Variants in ESCO1 observed in about 807,000 individuals in gnomAD.
ESCO1 encodes establishment of sister chromatid cohesion N-acetyltransferase 1.
In ESCO1, 33 loss-of-function variants were observed where a neutral mutation model predicts 83.5. That is an observed-to-expected ratio of 0.40 (90% CI 0.30 to 0.53). The LOEUF is 0.53. ESCO1 is among the 20% of genes least tolerant of loss of function. The pLI, the probability that ESCO1 is intolerant of heterozygous loss-of-function variation, is 0.63. For missense variants in ESCO1, 855 were observed against 968.0 expected (o/e 0.88, Z 1.55); for synonymous variants, 332 against 324.3 (o/e 1.02, Z -0.25).
intron 10 of ESCO1, among the ~76,000 whole-genome samples, chr18:21,533,423 G>C (rs1331205195): frequency 6.6e-6 from 1 of 151,980 alleles, no homozygotes; most frequent in East Asian, 1.9e-4. Context: ...AGCCTCCCAA[G>C]TAGCTGAGAT....
chr18:21,595,966 AAAATAAAT>A (rs894360932), intron 1 of ESCO1, among the ~76,000 whole-genome samples: 24 of 151,820 alleles, frequency 1.6e-4, no homozygotes, highest in African/African-American at 5.6e-4. Context: ...TCCATCTCAA[AAAATAAAT>A]AAATAAATAA....
rs1035068690 is a variant in ESCO1 at position 21,532,456 on chromosome 18, G to A, written c.2375+17C>T. The A allele has an allele frequency of 6.3e-7, 1 of 1,596,404 alleles. No individual in the cohort carries two copies. Among genetic ancestry groups the A allele is most frequent in the African/African-American group, 1.3e-5 (1 of 74,444 alleles). On this transcript the variant is annotated intron_variant, in intron 11 of 11. Transcript: ENST00000269214. ...CTAAACTACTAAAAATGATTTGAAGGATTACATTCAAGTTACCTTAGGCAT... is the reference window on the plus strand; with the variant it reads ...CTAAACTACTAAAAATGATTTGAAGAATTACATTCAAGTTACCTTAGGCAT...
At chr18:21,558,565 C>A (rs1383909871) in intron 8 of ESCO1, among the ~76,000 whole-genome samples, 1 of 151,922 alleles carries the variant, frequency 6.6e-6, no homozygotes, top group Non-Finnish European at 1.5e-5. Context: ...TCCATCTCTA[C>A]TAAAAATACA....
Position 21,574,223 on chromosome 18 carries a change from C to T in ESCO1, c.621G>A (p.Lys207=). 1 of 1,613,804 alleles carries T rather than the reference C, an allele frequency of 6.2e-7. No individual in the cohort carries two copies. The highest frequency in any genetic ancestry group is 8.5e-7 in the Non-Finnish European group (1 of 1,179,992). ...AAGCACAAGCTGTCTGATGTTCTAC[C>T]TTGCGTTTTTTCCCTTTGGGAGAAT... The part of the protein sequence containing the change: ...VINSPKGKKR[K]VEHQTACACS... The change falls in exon 4 of 12, where the codon AAG becomes AAA. Residue 207 remains lysine (K), a synonymous_variant. Coordinates refer to ENST00000269214, the MANE Select transcript of ESCO1 (RefSeq NM_052911.3).
intron 2 of ESCO1, among the ~76,000 whole-genome samples, chr18:21,581,266 A>G (rs966340510): frequency 4.0e-5 from 6 of 151,776 alleles, no homozygotes; most frequent in African/African-American, 1.5e-4. Context: ...GCTTGCAGTG[A>G]GCCGAGACTG....
rs993962184 is a variant in ESCO1 at position 21,541,608 on chromosome 18, A to G, written c.1954-1599T>C. On this transcript the variant is annotated intron_variant, in intron 8 of 11. Coordinates refer to ENST00000269214, the MANE Select transcript of ESCO1 (RefSeq NM_052911.3). Reference sequence around the variant, plus strand: ...ACACTGTCCCAAAAAAAAAAAAAAAAAAAGAAAGAAAGTAAATCTGAATCA... The same window carrying G: ...ACACTGTCCCAAAAAAAAAAAAAAAGAAAGAAAGAAAGTAAATCTGAATCA... 3.3e-4 allele frequency among the ~76,000 whole-genome samples: 49 copies of G among 148,936 alleles called. No homozygotes were observed. In the East Asian group the frequency reaches 4.8e-3, roughly 15 times the overall value.
Position 21,574,787 on chromosome 18 carries a change from AC to A in ESCO1, c.56del (p.Ser19MetfsTer17). 1 of 1,601,252 alleles carries A rather than the reference AC, an allele frequency of 6.2e-7. No homozygotes were observed. The highest frequency in any genetic ancestry group is 8.5e-7 in the Non-Finnish European group (1 of 1,179,218). On this transcript the variant is annotated frameshift_variant, in exon 4 of 12. Coordinates refer to ENST00000269214, the MANE Select transcript of ESCO1 (RefSeq NM_052911.3). LOFTEE classifies it high-confidence loss of function. ...KENSSKVTKK[S>X]DDKNSETEIQ... ...TTTCTGTTTCTGAATTCTTATCGTCACTTTTTTTAGTAACTTTGGAGGAATT... is the reference window on the plus strand; with the variant it reads ...TTTCTGTTTCTGAATTCTTATCGTCATTTTTTTAGTAACTTTGGAGGAATT...
At chr18:21,597,607 AATAGAT>A (rs572184084) in intron 1 of ESCO1, among the ~76,000 whole-genome samples, 1 of 152,156 alleles carries the variant, frequency 6.6e-6, no homozygotes, top group Non-Finnish European at 1.5e-5. Context: ...AGTAACTATC[AATAGAT>A]ATAAACCTAT....
At chr18:21,531,837 G>A (rs1327076702) in intron 11 of ESCO1, among the ~76,000 whole-genome samples, 3 of 132,010 alleles carry the variant, frequency 2.3e-5, no homozygotes, top group African/African-American at 8.3e-5. Context: ...AGGTTGCAGT[G>A]AGCAGAGATC....
At position 21,539,831 on chromosome 18, in the gene ESCO1, G is replaced by C. The variant is rs1000753721; in HGVS notation, c.2043+89C>G. 4 of 1,091,118 alleles carry C rather than the reference G, an allele frequency of 3.7e-6. No individual in the cohort carries two copies. In the African/African-American group the frequency reaches 4.7e-5, roughly 13 times the overall value. The allele number at this position is 1,091,118 out of a possible 1,614,324, so 67.6% of individuals were successfully genotyped here. A position where few individuals can be genotyped will look rare whatever the true frequency, so the allele number is the denominator to read the frequency against. ...CCACTGCACTCCAGCCTGAGCGACA[G>C]AGCAAGACCCTGTCTCAGGGTAAAA... On this transcript the variant is annotated intron_variant, in intron 9 of 11. Transcript: ENST00000269214.
chr18:21,574,727 TG>T lies in ESCO1; in HGVS notation c.116del (p.Ser39Ter). 6.2e-7 allele frequency: 1 copy of T among 1,611,520 alleles called. No individual in the cohort carries two copies. Among genetic ancestry groups the T allele is most frequent in the Non-Finnish European group, 8.5e-7 (1 of 1,179,886 alleles). The part of the protein sequence containing the change: ...QDSQKNLAKK[S>X]GPKETIKSQA... The stretch of plus-strand genomic sequence containing the variant: ...GTGATTTTATAGTCTCCTTTGGACC[TG>T]ATTTTTTTGCTAGATTCTTTTGAGA... On this transcript the variant is annotated frameshift_variant, in exon 4 of 12. Coordinates refer to ENST00000269214, the MANE Select transcript of ESCO1 (RefSeq NM_052911.3). LOFTEE classifies it high-confidence loss of function.
intron 2 of ESCO1, among the ~76,000 whole-genome samples, chr18:21,582,215 A>AT: frequency 6.6e-6 from 1 of 152,176 alleles, no homozygotes; most frequent in East Asian, 1.9e-4. Context: ...TAAAACACAG[A>AT]TTAAAGTATG....
intron 11 of ESCO1, 65 bp from the exon 12 acceptor site, chr18:21,530,555 A>G (rs2037755022): frequency 7.0e-7 from 1 of 1,434,952 alleles, no homozygotes; most frequent in Non-Finnish European, 9.3e-7. Context: ...AAAAATTCTA[A>G]TCATTAAAAC....
At chr18:21,542,087 T>C (rs1471069999) in intron 8 of ESCO1, among the ~76,000 whole-genome samples, 4 of 152,242 alleles carry the variant, frequency 2.6e-5, no homozygotes, top group African/African-American at 4.8e-5. Context: ...CTTTTTTTCA[T>C]GTACTAAATA....
intron 1 of ESCO1, among the ~76,000 whole-genome samples, chr18:21,594,411 A>G (rs2038729938): frequency 6.6e-6 from 1 of 152,162 alleles, no homozygotes; most frequent in Non-Finnish European, 1.5e-5. Context: ...TTATTTCTAC[A>G]TATCCTCCCA....
intron 10 of ESCO1, among the ~76,000 whole-genome samples, chr18:21,533,200 T>C (rs1369646077): frequency 1.3e-5 from 2 of 152,052 alleles, no homozygotes; most frequent in Non-Finnish European, 2.9e-5. Flanking sequence ...TTAAAAAACA[T>C]ATATCTCTTT....
chr18:21,567,840 C>T, intron 5 of ESCO1, 140 bp downstream of exon 5: 1 of 608,526 alleles, frequency 1.6e-6, no homozygotes, highest in Non-Finnish European at 2.8e-6. Context: ...GGGTGATAGT[C>T]ATGATAATCA....
At chr18:21,594,110 T>C (rs1358561385) in intron 1 of ESCO1, among the ~76,000 whole-genome samples, 1 of 152,064 alleles carries the variant, frequency 6.6e-6, no homozygotes, top group Non-Finnish European at 1.5e-5. Flanking sequence ...GTCCTCACAA[T>C]CAAAATATCT....
At chr18:21,531,222 G>A (rs1236044004) in intron 11 of ESCO1, among the ~76,000 whole-genome samples, 1 of 149,814 alleles carries the variant, frequency 6.7e-6, no homozygotes, top group African/African-American at 2.5e-5. Flanking sequence ...TGAGAGGATT[G>A]CTTAAGCCCA....
Sources: allele counts gnomAD v4.1 joint callset (sites outside exome capture counted in the v4.1 genomes callset), GRCh38; gene constraint gnomAD v4.1.1; transcripts MANE v1.5; gene names NCBI Gene and HGNC (gene_info 2026-07-23, HGNC 2026-07-21).